Variants in SECISBP2L observed in about 807,000 individuals in gnomAD.
The protein encoded by SECISBP2L is selenocysteine insertion sequence-binding protein 2-like.
A neutral mutation model predicts 114.7 loss-of-function variants in SECISBP2L; 43 were observed. That is an observed-to-expected ratio of 0.38 (90% CI 0.29 to 0.48). The LOEUF (loss-of-function observed/expected upper bound fraction) is 0.48, where lower values mean the gene tolerates loss of function less well. Among genes scored for constraint, SECISBP2L ranks in the 20% least tolerant of loss-of-function variants. The pLI is 0.98. For synonymous variants in SECISBP2L, 451 were observed against 439.7 expected, an observed-to-expected ratio of 1.03 and a Z score of -0.32; for missense variants, 1,136 against 1,301.1, an observed-to-expected ratio of 0.87 and a Z score of 1.95.
rs563110885 is a variant in SECISBP2L at position 49,034,999 on chromosome 15, AG to A, written c.528+334del. Among the ~76,000 whole-genome samples the A allele has an allele frequency of 7.2e-4, 108 of 149,960 alleles. No homozygotes were observed. The East Asian group carries it at 0.015, about 20-fold the overall frequency. ...TTGAAGTGCATTAGCCATTCAACAC[AG>A]CTAGCACAAGATCCACACTAATCAC... On this transcript the variant is annotated intron_variant, in intron 3 of 17. Coordinates refer to ENST00000559471, the MANE Select transcript of SECISBP2L (RefSeq NM_001193489.2).
In SECISBP2L at chr15:49,032,252, G is replaced by A. The variant is rs74014912; in HGVS notation, c.664+713C>T. On this transcript the variant is annotated intron_variant, in intron 4 of 17. Transcript: ENST00000559471. ...ATCTTGGCCTTGGATCACAAACAAAGATTTTTTACTAGTGTCAATAACTAT... is the reference window on the plus strand; with the variant it reads ...ATCTTGGCCTTGGATCACAAACAAAAATTTTTTACTAGTGTCAATAACTAT... Among the ~76,000 whole-genome samples, 394 of 152,250 alleles carry A rather than the reference G, an allele frequency of 2.6e-3. 2 individuals carry two copies. Among genetic ancestry groups the A allele is most frequent in the African/African-American group, 9.1e-3 (379 of 41,570 alleles).
chr15:49,008,753 C>T (rs968976718), intron 14 of SECISBP2L, among the ~76,000 whole-genome samples: 17 of 152,142 alleles, frequency 1.1e-4, no homozygotes, highest in Non-Finnish European at 1.5e-5. Flanking sequence ...ATTCTGTGAT[C>T]CCCCCAGTTA....
chr15:49,017,354 A>T (rs957283772), intron 9 of SECISBP2L, among the ~76,000 whole-genome samples, 194 bp downstream of exon 9: 4 of 152,180 alleles, frequency 2.6e-5, no homozygotes, highest in Non-Finnish European at 4.4e-5. Flanking sequence ...TAGTAATAGA[A>T]CTGTGGATTT....
In SECISBP2L at chr15:49,027,483, A is replaced by G. The variant is rs371806640; in HGVS notation, c.920-3T>C. On this transcript the variant is annotated splice_region_variant and splice_polypyrimidine_tract_variant and intron_variant, in intron 6 of 17. Coordinates refer to ENST00000559471, the MANE Select transcript of SECISBP2L (RefSeq NM_001193489.2). ...TACATTGGACCAATTTACACCACCT[A>G]TAACAAATGAAATTTTAAATTATAA... 5 of 1,512,166 alleles carry G rather than the reference A, an allele frequency of 3.3e-6. No homozygotes were observed. Among genetic ancestry groups the G allele is most frequent in the Non-Finnish European group, 2.7e-6 (3 of 1,109,844 alleles). The allele number at this position is 1,512,166 out of a possible 1,614,324, so 93.7% of individuals were successfully genotyped here.
In SECISBP2L at chr15:48,992,367, T is replaced by C. The variant is rs1184836519; in HGVS notation, c.3183A>G (p.Pro1061=). ...EEAEAPEVLE[P]GMDSEAWTAD... ...CAGTCCATGCCTCACTGTCCATCCC[T>C]GGCTCCAGCACCTCAGGCGCCTCTG... Residue 1061 remains proline, a synonymous_variant, in exon 18 of 18, where the codon CCA becomes CCG. Coordinates refer to ENST00000559471, the MANE Select transcript of SECISBP2L (RefSeq NM_001193489.2). 1 of 1,614,212 alleles carries C rather than the reference T, an allele frequency of 6.2e-7. No individual in the cohort carries two copies. Among genetic ancestry groups the C allele is most frequent in the Non-Finnish European group, 8.5e-7 (1 of 1,180,038 alleles).
chr15:49,033,047 T>C lies in SECISBP2L; in HGVS notation c.582A>G (p.Val194=). The C allele has an allele frequency of 1.9e-6, 3 of 1,614,132 alleles. No individual in the cohort carries two copies. Among genetic ancestry groups the C allele is most frequent in the South Asian group, 2.2e-5 (2 of 91,086 alleles). ...CTGCATTTGTTTCTTTCTGAGTAGCTACATTTTTCACCAGCGGCCTTTTGC... is the reference window on the plus strand; with the variant it reads ...CTGCATTTGTTTCTTTCTGAGTAGCCACATTTTTCACCAGCGGCCTTTTGC... The part of the protein sequence containing the change: ...IKSKRPLVKN[V]ATQKETNAAG... The change falls in exon 4 of 18, where the codon GTA becomes GTG. Residue 194 remains valine (V), a synonymous_variant. Coordinates refer to ENST00000559471, the MANE Select transcript of SECISBP2L (RefSeq NM_001193489.2).
At chr15:49,020,068 G>C (rs1902610674) in intron 7 of SECISBP2L, among the ~76,000 whole-genome samples, 1 of 152,242 alleles carries the variant, frequency 6.6e-6, no homozygotes, top group Admixed American at 6.5e-5. Context: ...GGAGCAGTTG[G>C]TGTGGCTATG....
intron 11 of SECISBP2L, 53 bp downstream of exon 11, chr15:49,016,507 C>T (rs1253527093): frequency 6.5e-7 from 1 of 1,541,470 alleles, no homozygotes; most frequent in Non-Finnish European, 8.7e-7. Flanking sequence ...TTAACAACAT[C>T]TAACATATAT....
At chr15:49,014,038 GTTTT>G (rs879905845) in intron 11 of SECISBP2L, among the ~76,000 whole-genome samples, 6 of 152,138 alleles carry the variant, frequency 3.9e-5, no homozygotes, top group Non-Finnish European at 8.8e-5. Context: ...CTTCGAAACA[GTTTT>G]TCTCTCATTA....
At chr15:49,011,633 C>G (rs146662356) in intron 13 of SECISBP2L, 98 bp downstream of exon 13, 19 of 1,353,980 alleles carry the variant, frequency 1.4e-5, no homozygotes, top group Non-Finnish European at 1.9e-5. Context: ...ATATGGAGCA[C>G]GTCTTCCAAT....
rs1902767787 is a variant in SECISBP2L, at chr15:49,027,460, C to G, written c.940G>C (p.Val314Leu). The change falls in exon 7 of 18, where the codon GTA (valine) becomes CTA (leucine). Residue 314 changes from valine (V) to leucine (L), a missense_variant. Val to Leu is a conservative substitution (Grantham distance 32). Transcript: ENST00000559471. ...TTTTTCTGAGTTGCCTGGCAAGTTA[C>G]ATTGGACCAATTTACACCACCTATA... ...MCAGGVNWSNVTCQATQKKPW... is the reference protein window; with the variant it reads ...MCAGGVNWSNLTCQATQKKPW... The G allele has an allele frequency of 6.2e-7, 1 of 1,607,642 alleles. No homozygotes were observed. The highest frequency in any genetic ancestry group is 8.5e-7 in the Non-Finnish European group (1 of 1,175,706).
chr15:49,037,272 C>CAAAAAAA (rs147547008), intron 2 of SECISBP2L: 4 of 75,628 alleles, frequency 5.3e-5, no homozygotes, highest in African/African-American at 1.9e-4. Flanking sequence ...TGTTCAATCT[C>CAAAAAAA]AAAAAAAAAA....
intron 1 of SECISBP2L, among the ~76,000 whole-genome samples, chr15:49,044,164 A>G (rs1482613743): frequency 2.6e-5 from 4 of 152,150 alleles, no homozygotes; most frequent in African/African-American, 9.7e-5. Flanking sequence ...GTCTAAAGGG[A>G]AAAAAACATT....
At chr15:49,038,138 A>G (rs1903050579) in intron 1 of SECISBP2L, among the ~76,000 whole-genome samples, 2 of 152,310 alleles carry the variant, frequency 1.3e-5, no homozygotes, top group Non-Finnish European at 2.9e-5. Flanking sequence ...GGAAAAATTG[A>G]ACAAAATTAT....
At chr15:49,014,162 CACTCT>C (rs1902492201) in intron 11 of SECISBP2L, among the ~76,000 whole-genome samples, 1 of 152,302 alleles carries the variant, frequency 6.6e-6, no homozygotes, top group South Asian at 2.1e-4. Flanking sequence ...TCTGACTCTT[CACTCT>C]ACTCTAATTT....
intron 1 of SECISBP2L, among the ~76,000 whole-genome samples, chr15:49,038,554 T>G (rs1180554966): frequency 6.6e-6 from 1 of 152,058 alleles, no homozygotes; most frequent in Non-Finnish European, 1.5e-5. Flanking sequence ...GAGTTGTGAT[T>G]AAGAGGAATC....
At chr15:49,031,646 C>T (rs1021133490) in intron 4 of SECISBP2L, among the ~76,000 whole-genome samples, 1 of 152,070 alleles carries the variant, frequency 6.6e-6, no homozygotes, top group African/African-American at 2.4e-5. Context: ...AAATTAAAAA[C>T]TTAACTGAAG....
chr15:49,017,105 T>C (rs771330827), intron 9 of SECISBP2L, 90 bp from the exon 10 acceptor site: 159 of 1,295,194 alleles, frequency 1.2e-4, no homozygotes, highest in South Asian at 5.6e-4. Flanking sequence ...TGTTCTGCAG[T>C]ACAACCGGAC....
intron 14 of SECISBP2L, 72 bp from the exon 15 acceptor site, chr15:49,001,169 A>C: frequency 1.1e-6 from 1 of 912,902 alleles, no homozygotes; most frequent in Non-Finnish European, 1.6e-6. Context: ...TGCATTAAGA[A>C]AATATCTCTA....
Sources: gnomAD v4.1 joint callset for allele counts (sites outside exome capture counted in the v4.1 genomes callset) on GRCh38, gnomAD v4.1.1 for gene constraint, MANE v1.5 for transcripts, NCBI Gene and HGNC (gene_info 2026-07-23, HGNC 2026-07-21) for gene names.